Variants in SMIM28 observed in about 807,000 individuals in gnomAD.
SMIM28 encodes small integral membrane protein 28.
chr6:138,381,373 T>C (rs542601219), intron 1 of SMIM28, among the ~76,000 whole-genome samples: 1 of 152,236 alleles, frequency 6.6e-6, no homozygotes, highest in Non-Finnish European at 1.5e-5. Context: ...TCGTTATTTC[T>C]TAGTAGCCTT....
intron 1 of SMIM28, among the ~76,000 whole-genome samples, chr6:138,380,214 C>T (rs1044744653): frequency 9.1e-6 from 1 of 110,444 alleles, no homozygotes; most frequent in Non-Finnish European, 1.7e-5. Flanking sequence ...GGCAAGTGAA[C>T]AGTCCATAGT....
chr6:138,382,033 A>C (rs1252474673), intron 1 of SMIM28, among the ~76,000 whole-genome samples: 4 of 152,252 alleles, frequency 2.6e-5, no homozygotes, highest in African/African-American at 9.6e-5. Context: ...AGTAAATGAT[A>C]GTGATTTTTT....
rs545024892 is a variant in SMIM28, at chr6:138,383,441, T to C, written c.*594T>C. ...ACAATATTAGCAATGAAAGTATAGA[T>C]ATTCGCAAACATTTTAGTTAAAAAA... On this transcript the variant is annotated 3_prime_UTR_variant, in exon 2 of 2. Transcript: ENST00000573100. 6.6e-6 allele frequency among the ~76,000 whole-genome samples: 1 copy of C among 152,346 alleles called. No individual in the cohort carries two copies. Among genetic ancestry groups the C allele is most frequent in the Non-Finnish European group, 1.5e-5 (1 of 68,040 alleles).
chr6:138,377,976 A>G lies in SMIM28; in HGVS notation c.-97A>G. On this transcript the variant is annotated 5_prime_UTR_variant, in exon 1 of 2. Transcript: ENST00000573100. Reference sequence around the variant, plus strand: ...CGAGTTTACCAACAGCCATCAGCCAAGCACATCCAAACTGGATCCAGGCCA... The same window carrying G: ...CGAGTTTACCAACAGCCATCAGCCAGGCACATCCAAACTGGATCCAGGCCA... 1 of 397,540 alleles carries G rather than the reference A, an allele frequency of 2.5e-6. No individual in the cohort carries two copies. Among genetic ancestry groups the G allele is most frequent in the Non-Finnish European group, 4.4e-6 (1 of 225,770 alleles). 24.6% of individuals were successfully genotyped at this position (397,540 alleles called of 1,614,324 possible).
At position 138,382,769 on chromosome 6, in the gene SMIM28, G is replaced by C. The variant is rs906939221; in HGVS notation, c.381G>C (p.Gln127His). The C allele has an allele frequency of 1.0e-5, 4 of 398,624 alleles. No individual in the cohort carries two copies. Among genetic ancestry groups the C allele is most frequent in the Non-Finnish European group, 1.3e-5 (3 of 226,144 alleles). 24.7% of individuals were successfully genotyped at this position (398,624 alleles called of 1,614,324 possible). A position where few individuals can be genotyped will look rare whatever the true frequency, so the allele number is the denominator to read the frequency against. ...PLPPEATLPSQCLPPSYEEAT... is the reference protein window; with the variant it reads ...PLPPEATLPSHCLPPSYEEAT... ...CCCCGGAGGCCACTCTCCCCTCCCA[G>C]TGTTTACCGCCCTCCTACGAAGAGG... The change falls in exon 2 of 2, where the codon CAG becomes CAC. Residue 127 changes from glutamine to histidine, a missense_variant. Transcript: ENST00000573100.
Position 138,382,794 on chromosome 6 carries a change from G to A in SMIM28, c.406G>A (p.Ala136Thr), listed in dbSNP as rs1562233078. 2.5e-6 allele frequency: 1 copy of A among 398,538 alleles called. No individual in the cohort carries two copies. 24.7% of individuals were successfully genotyped at this position (398,538 alleles called of 1,614,324 possible). The change falls in exon 2 of 2, where the codon GCC becomes ACC. Residue 136 changes from alanine to threonine, a missense_variant. Transcript: ENST00000573100. ...SQCLPPSYEE[A>T]TRNPPGEEAQ... ...GTGTTTACCGCCCTCCTACGAAGAGGCCACCAGAAATCCTCCTGGGGAGGA... is the reference window on the plus strand; with the variant it reads ...GTGTTTACCGCCCTCCTACGAAGAGACCACCAGAAATCCTCCTGGGGAGGA...
rs114884855 is a variant in SMIM28 at position 138,379,703 on chromosome 6, T to C, written c.111+1520T>C. ...GTTAAAACTTTTTTGGTGATTCATC[T>C]AGAAAGAAAAAGCAAATTATAGTTA... On this transcript the variant is annotated intron_variant, in intron 1 of 1. Transcript: ENST00000573100. Among the ~76,000 whole-genome samples, 390 of 152,250 alleles carry C rather than the reference T, an allele frequency of 2.6e-3. 3 individuals carry two copies. The highest frequency in any genetic ancestry group is 9.1e-3 in the African/African-American group (379 of 41,584).
chr6:138,380,000 G>A (rs576419973), intron 1 of SMIM28, among the ~76,000 whole-genome samples: 26 of 152,012 alleles, frequency 1.7e-4, no homozygotes, highest in Non-Finnish European at 2.5e-4. Context: ...TCTTCTAGCC[G>A]CACCAATAAA....
chr6:138,379,541 AG>A (rs1774291147), intron 1 of SMIM28, among the ~76,000 whole-genome samples: 1 of 152,218 alleles, frequency 6.6e-6, no homozygotes, highest in Non-Finnish European at 1.5e-5. Context: ...TTATTGATAG[AG>A]AATGAAATAA....
rs2076273 is a variant in SMIM28 at position 138,382,503 on chromosome 6, A to G, written c.115A>G (p.Thr39Ala). The G allele has an allele frequency of 0.11, 44,770 of 390,824 alleles. 4,796 individuals carry two copies. The highest frequency in any genetic ancestry group is 0.39 in the African/African-American group (18,573 of 47,970). The allele number at this position is 390,824 out of a possible 1,614,324, so 24.2% of individuals were successfully genotyped here. ...LPLLETQLQG[T>A]QGVSSTQEDV... ...AGGCTTCCTTCCCTAACTCCAGGGC[A>G]CCCAGGGGGTGAGCTCCACCCAGGA... The change falls in exon 2 of 2, where the codon ACC becomes GCC. Residue 39 changes from threonine to alanine, a missense_variant. Physicochemically the swap from Thr to Ala is moderately conservative, Grantham distance 58 (BLOSUM62 0). Transcript: ENST00000573100.
intron 1 of SMIM28, among the ~76,000 whole-genome samples, chr6:138,381,414 A>C (rs1774310904): frequency 6.6e-6 from 1 of 152,166 alleles, no homozygotes; most frequent in South Asian, 2.1e-4. Context: ...AATTAGGAAC[A>C]GTATTTTTTT....
Position 138,382,760 on chromosome 6 carries a change from C to A in SMIM28, c.372C>A (p.Leu124=), listed in dbSNP as rs1398038765. The change falls in exon 2 of 2, where the codon CTC becomes CTA. Residue 124 remains leucine, a synonymous_variant. Coordinates refer to ENST00000573100, the MANE Select transcript of SMIM28 (RefSeq NM_001368163.3). ...PYSPLPPEAT[L]PSQCLPPSYE... Reference sequence around the variant, plus strand: ...CCCCACTGCCCCCGGAGGCCACTCTCCCCTCCCAGTGTTTACCGCCCTCCT... The same window carrying A: ...CCCCACTGCCCCCGGAGGCCACTCTACCCTCCCAGTGTTTACCGCCCTCCT... The A allele has an allele frequency of 2.5e-6, 1 of 398,674 alleles. No homozygotes were observed. Among genetic ancestry groups the A allele is most frequent in the Non-Finnish European group, 4.4e-6 (1 of 226,144 alleles). 24.7% of individuals were successfully genotyped at this position (398,674 alleles called of 1,614,324 possible). A position where few individuals can be genotyped will look rare whatever the true frequency, so the allele number is the denominator to read the frequency against.
At chr6:138,380,635 C>T (rs541836935) in intron 1 of SMIM28, among the ~76,000 whole-genome samples, 1,866 of 152,050 alleles carry the variant, frequency 0.012, 23 homozygotes, top group Admixed American at 0.021. Context: ...GGTGTGGTGG[C>T]GGGTGCCTGT....
chr6:138,380,757 AC>A (rs970850591), intron 1 of SMIM28, among the ~76,000 whole-genome samples: 4 of 142,300 alleles, frequency 2.8e-5, no homozygotes, highest in Non-Finnish European at 6.1e-5. Flanking sequence ...ACAGAGCGAG[AC>A]CCCGTCTCTA....
chr6:138,383,015 G>A lies in SMIM28; in HGVS notation c.*168G>A. On this transcript the variant is annotated 3_prime_UTR_variant, in exon 2 of 2. Transcript: ENST00000573100. Reference sequence around the variant, plus strand: ...CTCTGACAATGGGGCACTTCAGGCTGAGGGCAAAGCTTGGCAAATGCCAAT... The same window carrying A: ...CTCTGACAATGGGGCACTTCAGGCTAAGGGCAAAGCTTGGCAAATGCCAAT... 1 of 393,990 alleles carries A rather than the reference G, an allele frequency of 2.5e-6. No homozygotes were observed. The highest frequency in any genetic ancestry group is 4.5e-6 in the Non-Finnish European group (1 of 223,696). The allele number at this position is 393,990 out of a possible 1,614,324, so 24.4% of individuals were successfully genotyped here. A position where few individuals can be genotyped will look rare whatever the true frequency, so the allele number is the denominator to read the frequency against.
rs1774323571 is a variant in SMIM28, at chr6:138,382,411, A to G, written c.112-89A>G. On this transcript the variant is annotated intron_variant, in intron 1 of 1. Transcript: ENST00000573100. ...GACTGTGTCTCAAAAAAAAAAAAAA[A>G]AAAAAAGAAAGAAAGAAAGAAAAAA... is the stretch of plus-strand genomic sequence containing the variant. The G allele has an allele frequency of 1.7e-5, 6 of 349,566 alleles. No individual in the cohort carries two copies. In the South Asian group the frequency reaches 6.0e-4, roughly 35 times the overall value. The allele number at this position is 349,566 out of a possible 1,614,324, so 21.7% of individuals were successfully genotyped here.
chr6:138,381,117 G>C (rs1463065041), intron 1 of SMIM28, among the ~76,000 whole-genome samples: 5 of 151,986 alleles, frequency 3.3e-5, no homozygotes, highest in African/African-American at 9.7e-5. Flanking sequence ...TGTTGGCCAG[G>C]CTGGTTCCAA....
At chr6:138,379,528 A>G (rs895831798) in intron 1 of SMIM28, among the ~76,000 whole-genome samples, 3 of 152,202 alleles carry the variant, frequency 2.0e-5, no homozygotes, top group Non-Finnish European at 4.4e-5. Context: ...GTTATCATCC[A>G]TATTATTGAT....
chr6:138,378,321 C>G, intron 1 of SMIM28, 138 bp downstream of exon 1: 1 of 395,150 alleles, frequency 2.5e-6, no homozygotes, highest in East Asian at 3.6e-5. Context: ...TAGGAATTCA[C>G]TGATTGGCAT....
Sources: gnomAD v4.1 joint callset for allele counts (sites outside exome capture counted in the v4.1 genomes callset) on GRCh38, gnomAD v4.1.1 for gene constraint, MANE v1.5 for transcripts, NCBI Gene and HGNC (gene_info 2026-07-23, HGNC 2026-07-21) for gene names.